The following GSN variants were observed in gnomAD, a reference collection of about 807,000 sequenced individuals.
The protein encoded by GSN is gelsolin.
Under a neutral mutation model 85.7 loss-of-function variants are expected in GSN, and 56 were observed. The ratio of observed to expected loss-of-function variants is 0.65; its 90% CI spans 0.53 to 0.82. The LOEUF (loss-of-function observed/expected upper bound fraction) is 0.82, where lower values mean the gene tolerates loss of function less well. Among genes scored for constraint, GSN ranks in the 40% least tolerant of loss-of-function variants. GSN has a pLI of 0.00. For synonymous variants in GSN, 373 were observed against 399.1 expected (o/e 0.93, Z 0.78); for missense variants, 857 against 979.8 (o/e 0.87, Z 1.67).
In GSN at chr9:121,299,404, T is replaced by G; in HGVS notation, c.-9-2559T>G. On this transcript the variant is annotated intron_variant, in intron 2 of 17. Transcript: ENST00000432226. The surrounding 1 kb of genome is among the most constrained non-coding windows in gnomAD (Gnocchi z 4.2). ...TGCAAGTTGCTTCACCACTCTGCGC[T>G]GTTCCCCCCTCTGTAAAATGGGTTG... 2 of 977,064 alleles carry G rather than the reference T, an allele frequency of 2.0e-6. No individual in the cohort carries two copies. Among genetic ancestry groups the G allele is most frequent in the South Asian group, 9.5e-5 (2 of 21,126 alleles). The allele number at this position is 977,064 out of a possible 1,614,324, so 60.5% of individuals were successfully genotyped here.
At chr9:121,250,252 C>T (rs570267916) in intron 6 of GSN, among the ~76,000 whole-genome samples, 52 of 149,342 alleles carry the variant, frequency 3.5e-4, no homozygotes, top group Non-Finnish European at 6.1e-4. Context: ...TCGCCCAGGC[C>T]GGAGTGCAGT....
chr9:121,299,744 C>T lies in GSN; in HGVS notation c.-9-2219C>T, dbSNP rs557220990. ...GTCTCCAAGATCCGAGACAGATCCCCGCCCCGCGCCCTCCCTGGGGGGCGG... is the reference window on the plus strand; with the variant it reads ...GTCTCCAAGATCCGAGACAGATCCCTGCCCCGCGCCCTCCCTGGGGGGCGG... On this transcript the variant is annotated intron_variant, in intron 2 of 17. Transcript: ENST00000432226. The surrounding 1 kb of genome is among the most constrained non-coding windows in gnomAD (Gnocchi z 4.2). 2.8e-5 allele frequency: 31 copies of T among 1,114,780 alleles called. No individual in the cohort carries two copies. The highest frequency in any genetic ancestry group is 8.3e-5 in the African/African-American group (5 of 60,262). 69.1% of individuals were successfully genotyped at this position (1,114,780 alleles called of 1,614,324 possible). A position where few individuals can be genotyped will look rare whatever the true frequency, so the allele number is the denominator to read the frequency against.
intron 6 of GSN, among the ~76,000 whole-genome samples, chr9:121,258,737 T>C (rs538571419): frequency 5.3e-5 from 8 of 151,850 alleles, no homozygotes; most frequent in East Asian, 3.9e-4. Flanking sequence ...TTTTTTTTTT[T>C]CCCAGCAGCA....
chr9:121,295,089 G>T (rs1053632592), intron 2 of GSN, among the ~76,000 whole-genome samples: 1 of 152,162 alleles, frequency 6.6e-6, no homozygotes, highest in Admixed American at 6.5e-5. Flanking sequence ...GAAGGCAGGC[G>T]TCTGTGCAGA....
At position 121,332,658 on chromosome 9, in the gene GSN, C is replaced by T. The variant is rs2064087653; in HGVS notation, c.*55C>T. On this transcript the variant is annotated 3_prime_UTR_variant, in exon 18 of 18. Coordinates refer to ENST00000432226, the MANE Select transcript of GSN (RefSeq NM_198252.3). This position sits in a 1 kb window ranked among gnomAD's most constrained non-coding sequence, Gnocchi z 4.8. ...TCAGTGCCTTTTGGAACTGTCCTTC[C>T]CTCAAAGAGGCCTTAGAGCGAGCAG... 8 of 1,413,498 alleles carry T rather than the reference C, an allele frequency of 5.7e-6. No individual in the cohort carries two copies. The Admixed American group carries it at 9.1e-5, about 16-fold the overall frequency. 87.6% of individuals were successfully genotyped at this position (1,413,498 alleles called of 1,614,324 possible). A position where few individuals can be genotyped will look rare whatever the true frequency, so the allele number is the denominator to read the frequency against.
chr9:121,299,248 TC>T lies in GSN; in HGVS notation c.-9-2713del. ...GAGCGTTCTGCCCCGCCCCTCTGAG[TC>T]CTGCCGGCTTCACCTGCCCACGGGA... On this transcript the variant is annotated intron_variant, in intron 2 of 17. Transcript: ENST00000432226. This position sits in a 1 kb window ranked among gnomAD's most constrained non-coding sequence, Gnocchi z 4.2. 9.2e-6 allele frequency: 9 copies of T among 975,076 alleles called. No homozygotes were observed. Among genetic ancestry groups the T allele is most frequent in the Non-Finnish European group, 1.1e-5 (9 of 820,488 alleles). 60.4% of individuals were successfully genotyped at this position (975,076 alleles called of 1,614,324 possible).
In GSN at chr9:121,327,350, G is replaced by A; in HGVS notation, c.1630G>A (p.Val544Ile). The A allele has an allele frequency of 1.9e-6, 3 of 1,614,136 alleles. No individual in the cohort carries two copies. The East Asian group carries it at 6.7e-5, about 36-fold the overall frequency. Residue 544 changes from valine (V) to isoleucine (I), a missense_variant, in exon 14 of 18, where the codon GTT (valine) becomes ATT (isoleucine). Transcript: ENST00000432226. The part of the protein sequence containing the change: ...AGALNSNDAF[V>I]LKTPSAAYLW... ...TGCACTGAACTCCAACGATGCCTTT[G>A]TTCTGAAAACCCCCTCAGCCGCCTA...
At chr9:121,307,826 G>A (rs543773197) in intron 4 of GSN, among the ~76,000 whole-genome samples, 55 of 152,026 alleles carry the variant, frequency 3.6e-4, no homozygotes, top group African/African-American at 8.0e-4. Flanking sequence ...TGGTTACATC[G>A]GTCTCAGAAC....
intron 7 of GSN, among the ~76,000 whole-genome samples, chr9:121,314,235 C>T (rs1326823584): frequency 1.3e-5 from 2 of 152,238 alleles, no homozygotes; most frequent in South Asian, 2.1e-4. Context: ...ATCTGTGTCA[C>T]GCTCATACAT....
At chr9:121,219,268 T>C (rs2132103686) in intron 4 of GSN, among the ~76,000 whole-genome samples, 1 of 152,038 alleles carries the variant, frequency 6.6e-6, no homozygotes. Context: ...GATTTTTTTT[T>C]TTTTTTTTTA....
chr9:121,288,973 C>G (rs555769022), intron 2 of GSN, among the ~76,000 whole-genome samples: 1 of 152,200 alleles, frequency 6.6e-6, no homozygotes, highest in African/African-American at 2.4e-5. Flanking sequence ...GTATGTGACA[C>G]TGGGCATGAC....
chr9:121,305,597 C>G (rs2060319179), intron 4 of GSN, among the ~76,000 whole-genome samples: 1 of 152,228 alleles, frequency 6.6e-6, no homozygotes, highest in African/African-American at 2.4e-5. Flanking sequence ...GCTCCCTGAT[C>G]TTTGATCCTC....
chr9:121,245,430 C>T (rs2132217020), intron 5 of GSN, among the ~76,000 whole-genome samples: 1 of 152,310 alleles, frequency 6.6e-6, no homozygotes, highest in African/African-American at 2.4e-5. Flanking sequence ...GATCAGGGCT[C>T]ACTGCAGCCT....
rs907217268 is a variant in GSN, at chr9:121,261,346, A to T, written c.-340-3808A>T. Among the ~76,000 whole-genome samples the T allele has an allele frequency of 2.6e-5, 4 of 152,254 alleles. No homozygotes were observed. Among genetic ancestry groups the T allele is most frequent in the African/African-American group, 4.8e-5 (2 of 41,466 alleles). ...GTCTTGATTTTGCTCCAACAGTGTC[A>T]GTCTCCTGTGTGAGCCTGCGACAGC... On this transcript the variant is annotated intron_variant, in intron 6 of 24. Coordinates refer to the GSN transcript ENST00000373823. The surrounding 1 kb of genome is among the most constrained non-coding windows in gnomAD (Gnocchi z 4.1).
intron 5 of GSN, among the ~76,000 whole-genome samples, chr9:121,240,678 G>A (rs192182584): frequency 6.6e-6 from 1 of 152,176 alleles, no homozygotes; most frequent in African/African-American, 2.4e-5. Flanking sequence ...GGACAATCCT[G>A]CTAGGGCCTC....
At chr9:121,314,090 C>A in intron 7 of GSN, 67 bp downstream of exon 7, 1 of 1,210,072 alleles carries the variant, frequency 8.3e-7, no homozygotes, top group Non-Finnish European at 1.2e-6. Flanking sequence ...ACTTGGTCTT[C>A]CCCACTCCAC....
chr9:121,234,122 G>A (rs1003505488), intron 5 of GSN, among the ~76,000 whole-genome samples: 1 of 151,696 alleles, frequency 6.6e-6, no homozygotes, highest in Non-Finnish European at 1.5e-5. Context: ...CACAAAGGGT[G>A]CTTTCTCCTG....
intron 5 of GSN, chr9:121,312,093 A>G (rs1220403694): frequency 6.5e-6 from 3 of 458,330 alleles, no homozygotes; most frequent in Admixed American, 7.7e-5. Flanking sequence ...TTTTGCACAC[A>G]TTCTAGATGT....
intron 5 of GSN, among the ~76,000 whole-genome samples, chr9:121,246,358 T>C (rs979403679): frequency 3.9e-5 from 6 of 152,318 alleles, no homozygotes; most frequent in Admixed American, 3.3e-4. Flanking sequence ...AGAGCAAGCT[T>C]GAGGCCTAAA....
Sources: allele counts gnomAD v4.1 joint callset (sites outside exome capture counted in the v4.1 genomes callset), GRCh38; gene constraint gnomAD v4.1.1; non-coding constraint Gnocchi (gnomAD v3.1); transcripts MANE v1.5; gene names NCBI Gene and HGNC (gene_info 2026-07-23, HGNC 2026-07-21).